Variants in SLC35F3 observed in about 807,000 individuals in gnomAD.
SLC35F3 encodes putative thiamine transporter SLC35F3.
SLC35F3 carries 25 observed loss-of-function variants against 49.9 expected under a neutral mutation model. The observed-to-expected ratio is 0.50, with a 90% confidence interval of 0.37 to 0.70. SLC35F3 has a LOEUF of 0.70. SLC35F3 is among the 30% of genes least tolerant of loss of function. SLC35F3 has a pLI of 0.00. For synonymous variants in SLC35F3, 275 were observed against 265.4 expected (o/e 1.04, Z -0.35); for missense variants, 525 against 639.8 (o/e 0.82, Z 1.94).
At chr1:234,056,822 TTTGAG>T (rs1664462975) in intron 2 of SLC35F3, among the ~76,000 whole-genome samples, 1 of 152,216 alleles carries the variant, frequency 6.6e-6, no homozygotes, top group Non-Finnish European at 1.5e-5. Context: ...TTTGATCCAT[TTTGAG>T]TTAATTTTTG....
chr1:234,211,727 T>C (rs1263014898), intron 2 of SLC35F3, among the ~76,000 whole-genome samples: 1 of 152,236 alleles, frequency 6.6e-6, no homozygotes, highest in Non-Finnish European at 1.5e-5. Context: ...GGCTCATAGG[T>C]GGAAGGGACT....
chr1:234,153,467 A>G (rs755571643), intron 2 of SLC35F3, among the ~76,000 whole-genome samples: 25 of 152,190 alleles, frequency 1.6e-4, no homozygotes, highest in Non-Finnish European at 2.9e-4. Context: ...AAAATAAAAT[A>G]CAAATGGGGG....
At chr1:233,954,491 C>G (rs2102806952) in intron 2 of SLC35F3, among the ~76,000 whole-genome samples, 1 of 152,318 alleles carries the variant, frequency 6.6e-6, no homozygotes, top group East Asian at 1.9e-4. Context: ...TGGCTGGCTT[C>G]TCCTCCTTGT....
At chr1:234,321,432 A>G (rs1232975514) in intron 7 of SLC35F3, among the ~76,000 whole-genome samples, 2 of 152,202 alleles carry the variant, frequency 1.3e-5, no homozygotes, top group Admixed American at 6.5e-5. Context: ...GCATTTCAAA[A>G]TGCAGAAAGC....
chr1:233,929,546 C>T (rs1037054199), intron 2 of SLC35F3, among the ~76,000 whole-genome samples: 4 of 152,102 alleles, frequency 2.6e-5, no homozygotes, highest in African/African-American at 9.7e-5. Flanking sequence ...TTTTCCTTTT[C>T]ATTTCTTTTA....
intron 3 of SLC35F3, chr1:234,268,498 C>T (rs1328940345): frequency 6.6e-6 from 1 of 152,272 alleles, no homozygotes; most frequent in Admixed American, 6.5e-5. Flanking sequence ...GGAGAGAAAG[C>T]ACATGGTTAT....
chr1:234,078,724 T>C (rs1664833154), intron 2 of SLC35F3, among the ~76,000 whole-genome samples: 1 of 152,228 alleles, frequency 6.6e-6, no homozygotes, highest in Non-Finnish European at 1.5e-5. Context: ...TTAAGTCCTT[T>C]TCTATGGCTA....
At chr1:233,952,666 A>C (rs1558187822) in intron 2 of SLC35F3, among the ~76,000 whole-genome samples, 1 of 152,100 alleles carries the variant, frequency 6.6e-6, no homozygotes, top group Non-Finnish European at 1.5e-5. Context: ...TGAACAAAAC[A>C]TTTAGGTTTT....
chr1:234,310,847 C>T (rs1330563982), intron 4 of SLC35F3, among the ~76,000 whole-genome samples: 1 of 152,162 alleles, frequency 6.6e-6, no homozygotes, highest in Non-Finnish European at 1.5e-5. Context: ...GAAAAATACT[C>T]CTAAATTCAT....
chr1:234,265,340 C>A (rs1057471816), intron 3 of SLC35F3, among the ~76,000 whole-genome samples: 10 of 109,910 alleles, frequency 9.1e-5, no homozygotes, highest in Non-Finnish European at 2.0e-4. Flanking sequence ...TTTTCTTTTT[C>A]TTTTTGTTTT....
chr1:234,212,294 A>G (rs1667056087), intron 2 of SLC35F3, among the ~76,000 whole-genome samples: 1 of 152,254 alleles, frequency 6.6e-6, no homozygotes, highest in Non-Finnish European at 1.5e-5. Flanking sequence ...GGACATCCAC[A>G]TCAGCACAAG....
At chr1:234,137,753 TC>T (rs1665832723) in intron 2 of SLC35F3, among the ~76,000 whole-genome samples, 1 of 152,150 alleles carries the variant, frequency 6.6e-6, no homozygotes, top group Non-Finnish European at 1.5e-5. Flanking sequence ...GGAGCACATG[TC>T]GCAGCAAGTA....
intron 3 of SLC35F3, chr1:234,274,266 T>C (rs1001615397): frequency 6.6e-6 from 1 of 152,256 alleles, no homozygotes; most frequent in Non-Finnish European, 1.5e-5. Context: ...AGTCTGTGTA[T>C]TCAGCGTCAC....
intron 2 of SLC35F3, among the ~76,000 whole-genome samples, chr1:233,908,021 C>T (rs551434129): frequency 2.4e-4 from 37 of 152,284 alleles, no homozygotes; most frequent in South Asian, 8.3e-4. Context: ...CCACCACGCC[C>T]GGCCCAGAAG....
intron 2 of SLC35F3, among the ~76,000 whole-genome samples, chr1:234,020,650 T>C (rs1663877492): frequency 6.6e-6 from 1 of 152,204 alleles, no homozygotes; most frequent in African/African-American, 2.4e-5. Context: ...GAACATTAAC[T>C]TGAGAAGATT....
intron 2 of SLC35F3, among the ~76,000 whole-genome samples, chr1:234,175,237 C>G (rs1666457713): frequency 6.6e-6 from 1 of 152,198 alleles, no homozygotes; most frequent in Non-Finnish European, 1.5e-5. Context: ...AGTATCTGCC[C>G]TGGGAAAATC....
At chr1:234,224,511 G>A (rs1349170263) in intron 2 of SLC35F3, among the ~76,000 whole-genome samples, 2 of 152,192 alleles carry the variant, frequency 1.3e-5, no homozygotes, top group Non-Finnish European at 2.9e-5. Flanking sequence ...CTAGTGCAGG[G>A]TCCCATACAC....
chr1:234,322,665 G>A (rs1037413948), intron 7 of SLC35F3, among the ~76,000 whole-genome samples: 12 of 151,822 alleles, frequency 7.9e-5, no homozygotes, highest in African/African-American at 2.2e-4. Context: ...GTGTGTGTGT[G>A]TGTGTGTGTG....
intron 2 of SLC35F3, among the ~76,000 whole-genome samples, chr1:234,157,282 T>G (rs1364232087): frequency 6.6e-6 from 1 of 152,164 alleles, no homozygotes; most frequent in Non-Finnish European, 1.5e-5. Flanking sequence ...CGTTTTTCTT[T>G]TTTATATTCT....
Sources: gnomAD v4.1 joint callset for allele counts (sites outside exome capture counted in the v4.1 genomes callset) on GRCh38, gnomAD v4.1.1 for gene constraint, MANE v1.5 for transcripts, NCBI Gene and HGNC (gene_info 2026-07-23, HGNC 2026-07-21) for gene names.